The following TOX variants were observed in gnomAD, a reference collection of about 807,000 sequenced individuals.
TOX encodes thymocyte selection-associated high mobility group box protein TOX.
Under a neutral mutation model 53.7 loss-of-function variants are expected in TOX, and 11 were observed. The ratio of observed to expected loss-of-function variants is 0.20; its 90% confidence interval spans 0.13 to 0.34. The LOEUF is 0.34. Ranked by LOEUF, TOX falls within the 10% of genes least tolerant of loss-of-function variation. TOX has a pLI of 1.00. For synonymous variants in TOX, 225 were observed against 245.3 expected (o/e 0.92, Z 0.77); for missense variants, 570 against 664.6 (o/e 0.86, Z 1.56).
chr8:59,076,609 T>G (rs1804296608), intron 1 of TOX, among the ~76,000 whole-genome samples: 2 of 152,238 alleles, frequency 1.3e-5, no homozygotes, highest in Non-Finnish European at 2.9e-5. Context: ...TAATGGTTAT[T>G]TTTTACACAG....
At chr8:59,110,157 T>C (rs1804987880) in intron 1 of TOX, among the ~76,000 whole-genome samples, 1 of 152,200 alleles carries the variant, frequency 6.6e-6, no homozygotes, top group South Asian at 2.1e-4. Context: ...CAGTCTTTTA[T>C]GCCCTGGCAG....
At chr8:58,945,178 C>A (rs889973081) in intron 2 of TOX, among the ~76,000 whole-genome samples, 3 of 152,266 alleles carry the variant, frequency 2.0e-5, no homozygotes, top group Non-Finnish European at 2.9e-5. Context: ...CAACTCCTAC[C>A]AACCCAACTA....
chr8:58,925,201 TA>T (rs1053532393), intron 3 of TOX, among the ~76,000 whole-genome samples: 1 of 152,222 alleles, frequency 6.6e-6, no homozygotes, highest in Admixed American at 6.5e-5. Flanking sequence ...TTTTTTAATT[TA>T]AAAAGGCCAA....
intron 3 of TOX, among the ~76,000 whole-genome samples, chr8:58,879,010 G>A (rs574642953): frequency 3.4e-5 from 5 of 148,032 alleles, no homozygotes; most frequent in South Asian, 2.1e-4. Context: ...GCAGTGAGCC[G>A]AGATCATGCC....
chr8:59,003,019 T>G (rs1813723299), intron 1 of TOX, among the ~76,000 whole-genome samples: 1 of 152,214 alleles, frequency 6.6e-6, no homozygotes, highest in Admixed American at 6.5e-5. Context: ...TTTTATATTT[T>G]TAACTTGAGG....
At chr8:58,999,713 C>T (rs577231133) in intron 1 of TOX, among the ~76,000 whole-genome samples, 27 of 152,152 alleles carry the variant, frequency 1.8e-4, no homozygotes, top group African/African-American at 4.3e-4. Context: ...CGGAGTGGCA[C>T]GGCGATCTCT....
chr8:58,965,582 G>A (rs1376182449), intron 1 of TOX, among the ~76,000 whole-genome samples: 2 of 152,094 alleles, frequency 1.3e-5, no homozygotes, highest in African/African-American at 2.4e-5. Flanking sequence ...GAACATTTTA[G>A]GGAAACCATT....
At chr8:58,999,406 G>GA (rs377465063) in intron 1 of TOX, among the ~76,000 whole-genome samples, 3,608 of 147,062 alleles carry the variant, frequency 0.025, 130 homozygotes, top group African/African-American at 0.084. Context: ...AGTCAAAGGA[G>GA]AAAAAAAAAA....
intron 3 of TOX, among the ~76,000 whole-genome samples, chr8:58,892,265 T>C (rs1563381161): frequency 6.6e-6 from 1 of 152,080 alleles, no homozygotes; most frequent in Admixed American, 6.6e-5. Context: ...CATTCCAGGA[T>C]GTACAAAGTT....
At chr8:58,983,790 C>A (rs991149473) in intron 1 of TOX, among the ~76,000 whole-genome samples, 7 of 152,180 alleles carry the variant, frequency 4.6e-5, no homozygotes, top group African/African-American at 1.7e-4. Flanking sequence ...GTTGGATAAG[C>A]CCAACACTGT....
chr8:59,101,763 G>C (rs1804810082), intron 1 of TOX, among the ~76,000 whole-genome samples: 1 of 152,194 alleles, frequency 6.6e-6, no homozygotes, highest in South Asian at 2.1e-4. Flanking sequence ...GCTAAAATGA[G>C]GAAAAGGGGG....
chr8:58,866,262 G>A (rs897004541), intron 3 of TOX, among the ~76,000 whole-genome samples: 1 of 152,202 alleles, frequency 6.6e-6, no homozygotes, highest in Non-Finnish European at 1.5e-5. Context: ...TACAGGGATT[G>A]CTGGATGAGA....
At chr8:59,012,399 G>A (rs1245974944) in intron 1 of TOX, among the ~76,000 whole-genome samples, 1 of 151,938 alleles carries the variant, frequency 6.6e-6, no homozygotes, top group Non-Finnish European at 1.5e-5. Context: ...AGGGAGTGGA[G>A]AGTTTGGGAA....
At chr8:58,983,748 T>G (rs1401886162) in intron 1 of TOX, among the ~76,000 whole-genome samples, 1 of 152,212 alleles carries the variant, frequency 6.6e-6, no homozygotes, top group Non-Finnish European at 1.5e-5. Flanking sequence ...ATCACCTCCC[T>G]TTTGCCCTGT....
intron 3 of TOX, among the ~76,000 whole-genome samples, chr8:58,937,686 T>C (rs1812369441): frequency 6.6e-6 from 1 of 152,206 alleles, no homozygotes; most frequent in Non-Finnish European, 1.5e-5. Flanking sequence ...ACTTGAACTA[T>C]ATAATTGAAT....
chr8:59,114,577 T>A (rs1459493912), intron 1 of TOX, among the ~76,000 whole-genome samples: 3 of 152,206 alleles, frequency 2.0e-5, no homozygotes, highest in Admixed American at 6.5e-5. Flanking sequence ...ATATATGTGA[T>A]GTATGAATTA....
rs397697554 is a variant in TOX, at chr8:59,056,431, G to GAAAA, written c.102+62451_102+62454dup. The stretch of plus-strand genomic sequence containing the variant: ...TGGGTGATAGAGCAAGGCCCTCTCC[G>GAAAA]AAAAAAAAAAAAAAAAAAAAAGGAA... On this transcript the variant is annotated intron_variant, in intron 1 of 8. Coordinates refer to ENST00000361421, the MANE Select transcript of TOX (RefSeq NM_014729.3). Among the ~76,000 whole-genome samples, 190 of 56,210 alleles carry GAAAA rather than the reference G, an allele frequency of 3.4e-3. 9 individuals carry two copies. The highest frequency in any genetic ancestry group is 0.012 in the African/African-American group (136 of 11,122). The allele number at this position is 56,210 out of a possible 152,430, so 36.9% of individuals were successfully genotyped here.
chr8:59,025,153 G>A (rs188278180), intron 1 of TOX, among the ~76,000 whole-genome samples: 21 of 152,184 alleles, frequency 1.4e-4, no homozygotes, highest in African/African-American at 4.3e-4. Flanking sequence ...AGCCTTGGGC[G>A]AGCCACTCAG....
intron 3 of TOX, among the ~76,000 whole-genome samples, chr8:58,908,682 A>T (rs1286801474): frequency 6.6e-6 from 1 of 152,218 alleles, no homozygotes; most frequent in Non-Finnish European, 1.5e-5. Flanking sequence ...GGCAAGGACC[A>T]TTGAGTATTT....
Sources: allele counts gnomAD v4.1 joint callset (sites outside exome capture counted in the v4.1 genomes callset), GRCh38; gene constraint gnomAD v4.1.1; transcripts MANE v1.5; gene names NCBI Gene and HGNC (gene_info 2026-07-23, HGNC 2026-07-21).